LIN54: variants seen among roughly 807,000 people sequenced by gnomAD.
LIN54 encodes protein lin-54 homolog.
Under a neutral mutation model 78.7 loss-of-function variants are expected in LIN54, and 9 were observed. That is an observed-to-expected ratio of 0.11 (90% CI 0.07 to 0.20). The LOEUF is 0.20. LIN54 is among the 10% of genes least tolerant of loss of function. LIN54 has a pLI of 1.00. For synonymous variants in LIN54, 269 were observed against 318.4 expected, an observed-to-expected ratio of 0.84 and a Z score of 1.65; for missense variants, 573 against 889.9, an observed-to-expected ratio of 0.64 and a Z score of 4.53.
intron 2 of LIN54, among the ~76,000 whole-genome samples, chr4:82,981,427 A>G (rs1726627960): frequency 6.6e-6 from 1 of 152,140 alleles, no homozygotes; most frequent in Admixed American, 6.6e-5. Context: ...CCTGCTATCT[A>G]TACCCTAACA....
intron 1 of LIN54, among the ~76,000 whole-genome samples, chr4:82,986,913 A>G (rs1034697250): frequency 1.3e-5 from 2 of 152,158 alleles, no homozygotes; most frequent in Non-Finnish European, 2.9e-5. Flanking sequence ...AGATGAGGCC[A>G]TTTAGAAAGG....
chr4:82,974,784 G>A (rs952420760), intron 3 of LIN54, among the ~76,000 whole-genome samples: 13 of 150,976 alleles, frequency 8.6e-5, no homozygotes, highest in East Asian at 3.9e-4. Context: ...ACTTGAACCC[G>A]GGAGGCACAG....
chr4:82,938,381 A>G, intron 8 of LIN54, 32 bp downstream of exon 8: 1 of 1,203,740 alleles, frequency 8.3e-7, no homozygotes, highest in Middle Eastern at 1.9e-4. Flanking sequence ...AGCTGATCTA[A>G]CAACTTATGT....
At chr4:82,943,074 A>G (rs13147892) in intron 5 of LIN54, among the ~76,000 whole-genome samples, 81,341 of 152,004 alleles carry the variant, frequency 0.54, 23,755 homozygotes, top group East Asian at 0.78. Flanking sequence ...TAGGTCAACC[A>G]TCTGCATTTC....
rs1233101387 is a variant in LIN54 at position 82,947,233 on chromosome 4, A to ATTTTTTTTTTT, written c.952-760_952-759insAAAAAAAAAAA. On this transcript the variant is annotated intron_variant, in intron 4 of 12. Transcript: ENST00000340417. ...TATATATATATATATATATATATAT[A>ATTTTTTTTTTT]TATTTTTTTTTTTTTTGAAGACAGG... Among the ~76,000 whole-genome samples the ATTTTTTTTTTT allele has an allele frequency of 2.7e-3, 45 of 16,844 alleles. 1 individual carries two copies. Among genetic ancestry groups the ATTTTTTTTTTT allele is most frequent in the South Asian group, 8.2e-3 (3 of 364 alleles). The allele number at this position is 16,844 out of a possible 152,430, so 11.1% of individuals were successfully genotyped here.
In LIN54 at chr4:82,972,456, C is replaced by T. The variant is rs1324608434; in HGVS notation, c.809-1987G>A. ...TAAAGTCAATTCTAAATAAACCAAA[C>T]GAATCTACATCAAATAGGTTTAGAG... is the stretch of plus-strand genomic sequence containing the variant. On this transcript the variant is annotated intron_variant, in intron 3 of 12. Coordinates refer to ENST00000340417, the MANE Select transcript of LIN54 (RefSeq NM_194282.4). 2.6e-5 allele frequency among the ~76,000 whole-genome samples: 4 copies of T among 152,090 alleles called. No homozygotes were observed. In the South Asian group the frequency reaches 6.2e-4, roughly 24 times the overall value.
rs547221997 is a variant in LIN54, at chr4:82,968,893, T to C, written c.951+1434A>G. ...ACCCACTAGAATCACTTAAAGAGCTTTGTAAAATCCTGATACCAGGTCAAG... is the reference window on the plus strand; with the variant it reads ...ACCCACTAGAATCACTTAAAGAGCTCTGTAAAATCCTGATACCAGGTCAAG... On this transcript the variant is annotated intron_variant, in intron 4 of 12. Coordinates refer to ENST00000340417, the MANE Select transcript of LIN54 (RefSeq NM_194282.4). Among the ~76,000 whole-genome samples the C allele has an allele frequency of 4.6e-5, 7 of 152,284 alleles. No homozygotes were observed. In the South Asian group the frequency reaches 1.4e-3, roughly 32 times the overall value.
At chr4:82,980,195 C>T (rs1363301841) in intron 2 of LIN54, among the ~76,000 whole-genome samples, 3 of 151,788 alleles carry the variant, frequency 2.0e-5, no homozygotes, top group African/African-American at 7.3e-5. Flanking sequence ...TTTTATATTG[C>T]GATTATCACC....
rs781197214 is a variant in LIN54 at position 82,925,336 on chromosome 4, G to A, written c.*2766C>T. The stretch of plus-strand genomic sequence containing the variant: ...GGCCTTCAAAGTAGCGAGGACTGCA[G>A]GTGTGCGCCACCACACGCAGTGAAT... On this transcript the variant is annotated 3_prime_UTR_variant, in exon 13 of 13. Coordinates refer to ENST00000340417, the MANE Select transcript of LIN54 (RefSeq NM_194282.4). The A allele has an allele frequency of 2.0e-5, 3 of 152,210 alleles. No individual in the cohort carries two copies. The highest frequency in any genetic ancestry group is 6.5e-5 in the Admixed American group (1 of 15,274). 9.4% of individuals were successfully genotyped at this position (152,210 alleles called of 1,614,324 possible).
chr4:82,977,481 C>T (rs569837372), intron 3 of LIN54, among the ~76,000 whole-genome samples: 3 of 152,298 alleles, frequency 2.0e-5, no homozygotes, highest in East Asian at 3.9e-4. Context: ...ACTCACCTAA[C>T]ACTGCTTTCA....
At chr4:82,988,122 T>C (rs1325549778) in intron 1 of LIN54, among the ~76,000 whole-genome samples, 1 of 152,250 alleles carries the variant, frequency 6.6e-6, no homozygotes, top group Non-Finnish European at 1.5e-5. Context: ...TACATTTCTC[T>C]GATGATCAAT....
At chr4:83,002,353 C>T (rs1480327537) in intron 1 of LIN54, among the ~76,000 whole-genome samples, 3 of 142,722 alleles carry the variant, frequency 2.1e-5, no homozygotes, top group African/African-American at 7.9e-5. Flanking sequence ...AGCAACATAG[C>T]GAGACCTCAC....
At position 82,985,462 on chromosome 4, in the gene LIN54, T is replaced by C. The variant is rs375775008; in HGVS notation, c.-32-586A>G. On this transcript the variant is annotated intron_variant, in intron 1 of 12. Coordinates refer to ENST00000340417, the MANE Select transcript of LIN54 (RefSeq NM_194282.4). ...TCAAATAGCATTTGTGGTACAACTT[T>C]GACCAACTAGCTTCATACCAGGGAA... 1.2e-4 allele frequency among the ~76,000 whole-genome samples: 18 copies of C among 152,358 alleles called. No individual in the cohort carries two copies. The East Asian group carries it at 3.3e-3, about 28-fold the overall frequency.
intron 4 of LIN54, among the ~76,000 whole-genome samples, chr4:82,957,285 C>T (rs1273365248): frequency 6.6e-6 from 1 of 152,212 alleles, no homozygotes; most frequent in African/African-American, 2.4e-5. Context: ...TTTATGATTC[C>T]AGTCTCTACC....
At chr4:82,989,600 TA>T (rs1165060674) in intron 1 of LIN54, among the ~76,000 whole-genome samples, 2 of 152,294 alleles carry the variant, frequency 1.3e-5, no homozygotes, top group East Asian at 3.9e-4. Context: ...TCTTCCAGCA[TA>T]TTTAGACATA....
intron 1 of LIN54, among the ~76,000 whole-genome samples, chr4:83,007,032 C>A (rs890261280): frequency 2.0e-5 from 3 of 151,928 alleles, no homozygotes; most frequent in Admixed American, 2.0e-4. Flanking sequence ...CCCAGCTACT[C>A]GAGAGGCCGA....
intron 1 of LIN54, among the ~76,000 whole-genome samples, chr4:83,009,174 A>C (rs1267520278): frequency 1.3e-5 from 2 of 152,162 alleles, no homozygotes; most frequent in African/African-American, 2.4e-5. Context: ...CAGACCTACA[A>C]ACTATACACA....
intron 1 of LIN54, among the ~76,000 whole-genome samples, chr4:82,990,584 T>C (rs1215163919): frequency 6.6e-6 from 1 of 151,890 alleles, no homozygotes; most frequent in Non-Finnish European, 1.5e-5. Context: ...CCCAGGTTCA[T>C]GCCATTCTCC....
intron 1 of LIN54, among the ~76,000 whole-genome samples, chr4:83,000,095 C>T (rs1263797421): frequency 1.3e-5 from 2 of 152,014 alleles, no homozygotes; most frequent in African/African-American, 4.8e-5. Context: ...GGTCTCATTA[C>T]GTTGCCCAGG....
Sources: gnomAD v4.1 joint callset for allele counts (sites outside exome capture counted in the v4.1 genomes callset) on GRCh38, gnomAD v4.1.1 for gene constraint, MANE v1.5 for transcripts, NCBI Gene and HGNC (gene_info 2026-07-23, HGNC 2026-07-21) for gene names.